Variants in PER3 observed in about 807,000 individuals in gnomAD.
PER3 encodes period circadian regulator 3.
Under a neutral mutation model 127.2 loss-of-function variants are expected in PER3, and 107 were observed. The ratio of observed to expected loss-of-function variants is 0.84; its 90% CI spans 0.72 to 0.99. The LOEUF is 0.99. Ranked by LOEUF, PER3 falls within the 50% of genes least tolerant of loss-of-function variation. PER3 has a pLI of 0.00. For missense variants in PER3, 1,560 were observed against 1,525.8 expected (o/e 1.02, Z -0.37); for synonymous variants, 618 against 585.8 (o/e 1.05, Z -0.79).
chr1:7,811,144 T>C (rs75705708), intron 13 of PER3, among the ~76,000 whole-genome samples: 1,780 of 152,336 alleles, frequency 0.012, 32 homozygotes, highest in African/African-American at 0.041. Flanking sequence ...TAGGGGATGT[T>C]CAATAATATA....
intron 10 of PER3, 171 bp downstream of exon 10, chr1:7,804,019 A>C (rs2097182002): frequency 3.8e-6 from 2 of 520,502 alleles, no homozygotes; most frequent in Non-Finnish European, 6.8e-6. Context: ...CCTTAAAAGA[A>C]GTCATAATAT....
intron 10 of PER3, among the ~76,000 whole-genome samples, chr1:7,805,960 G>A (rs1435264536): frequency 6.6e-6 from 1 of 152,192 alleles, no homozygotes; most frequent in Non-Finnish European, 1.5e-5. Context: ...TTAAGGTCTA[G>A]TAGGTATTAA....
intron 16 of PER3, among the ~76,000 whole-genome samples, chr1:7,825,526 G>A (rs1167058955): frequency 6.6e-6 from 1 of 152,190 alleles, no homozygotes; most frequent in Non-Finnish European, 1.5e-5. Flanking sequence ...GATGGTTAAT[G>A]TACGTATGTG....
At chr1:7,835,992 C>CT in intron 20 of PER3, 47 bp downstream of exon 20, 3 of 1,318,164 alleles carry the variant, frequency 2.3e-6, no homozygotes, top group Non-Finnish European at 3.2e-6. Context: ...TTTGTGGTTT[C>CT]TTTTTTTCTT....
At chr1:7,786,263 A>G (rs2097090252) in intron 3 of PER3, among the ~76,000 whole-genome samples, 1 of 152,246 alleles carries the variant, frequency 6.6e-6, no homozygotes, top group African/African-American at 2.4e-5. Flanking sequence ...TCTAAAAAAT[A>G]ATAATGATAA....
rs530327731 is a variant in PER3 at position 7,801,131 on chromosome 1, A to G, written c.812A>G (p.Asn271Ser). 4 of 1,607,792 alleles carry G rather than the reference A, an allele frequency of 2.5e-6. No individual in the cohort carries two copies. In the African/African-American group the frequency reaches 5.3e-5, roughly 21 times the overall value. The change falls in exon 8 of 22, where the codon AAT (asparagine) becomes AGT (serine). Residue 271 changes from asparagine (N) to serine (S), a missense_variant. By Grantham distance (46) the Asn-to-Ser change is conservative (BLOSUM62 1). This residue lies in a region of PER3 where 1,332 missense variants were observed against 1,223.6 expected (regional missense o/e 1.09). Coordinates refer to ENST00000377532, the MANE Select transcript of PER3 (RefSeq NM_001377275.1). ...TCCTTAGCTCCTCGGATCCCAGTGA[A>G]TAAAAGAATCTTCACCACCACACAC... ...SGYEAPRIPV[N>S]KRIFTTTHTP...
At chr1:7,787,665 G>A (rs556343661) in intron 4 of PER3, 7 of 326,258 alleles carry the variant, frequency 2.1e-5, no homozygotes, top group Non-Finnish European at 4.1e-5. Context: ...GGTTTGTCAA[G>A]GACAGCTTCT....
At chr1:7,805,028 C>A (rs920435093) in intron 10 of PER3, among the ~76,000 whole-genome samples, 8 of 152,034 alleles carry the variant, frequency 5.3e-5, no homozygotes, top group Non-Finnish European at 1.2e-4. Flanking sequence ...GCCACCACAC[C>A]CAGCTCATTT....
intron 17 of PER3, 55 bp from the exon 18 acceptor site, chr1:7,827,060 CCTT>C (rs1418108586): frequency 8.3e-6 from 11 of 1,329,092 alleles, no homozygotes; most frequent in Non-Finnish European, 1.1e-5. Context: ...TAAGTGGCAT[CCTT>C]CTCTTCTTTT....
intron 9 of PER3, 135 bp downstream of exon 9, chr1:7,803,288 A>C (rs2097178600): frequency 1.5e-6 from 1 of 686,714 alleles, no homozygotes; most frequent in Non-Finnish European, 2.6e-6. Context: ...ATTGTTTTCT[A>C]TTTAAACATA....
chr1:7,810,438 A>G lies in PER3; in HGVS notation c.1372A>G (p.Met458Val). The change falls in exon 13 of 22, where the codon ATG becomes GTG. Residue 458 changes from methionine (M) to valine (V), a missense_variant and splice_region_variant. Coordinates refer to ENST00000377532, the MANE Select transcript of PER3 (RefSeq NM_001377275.1). ...HRVEETKAEQ[M>V]TLQQVYASVN... ...ATATTTTATCATTCCTTTCCCTAAG[A>G]TGACCTTGCAGCAGGTCTATGCCAG... 1.3e-6 allele frequency: 2 copies of G among 1,589,102 alleles called. No homozygotes were observed. Among genetic ancestry groups the G allele is most frequent in the Non-Finnish European group, 1.7e-6 (2 of 1,168,312 alleles).
intron 8 of PER3, among the ~76,000 whole-genome samples, chr1:7,802,180 T>C (rs1190359517): frequency 6.6e-6 from 1 of 152,204 alleles, no homozygotes; most frequent in Non-Finnish European, 1.5e-5. Context: ...CCATCGTAAG[T>C]TTCCCATGAA....
intron 6 of PER3, 36 bp from the exon 7 acceptor site, chr1:7,798,489 C>T (rs767201846): frequency 7.0e-6 from 11 of 1,572,214 alleles, no homozygotes; most frequent in South Asian, 3.5e-5. Context: ...CAGTAGGGTG[C>T]GTCAGGACCA....
intron 3 of PER3, among the ~76,000 whole-genome samples, chr1:7,786,111 C>T (rs1487884993): frequency 6.6e-6 from 1 of 152,146 alleles, no homozygotes; most frequent in Non-Finnish European, 1.5e-5. Context: ...AAAAAATTAG[C>T]CGGGTGTGGT....
chr1:7,826,609 A>T lies in PER3; in HGVS notation c.2087A>T (p.Gln696Leu), dbSNP rs113850181. 14 of 1,613,408 alleles carry T rather than the reference A, an allele frequency of 8.7e-6. No individual in the cohort carries two copies. The highest frequency in any genetic ancestry group is 1.2e-5 in the Non-Finnish European group (14 of 1,179,424). ...VLSAHTQKEE[Q>L]NYVDKFREKI... ...TCAGCGCACACCCAGAAGGAAGAGC[A>T]GAATTATGTTGATAAATTCCGAGAA... Residue 696 changes from glutamine to leucine, a missense_variant, in exon 17 of 22, where the codon CAG becomes CTG. By Grantham distance (113) the Gln-to-Leu change is moderately radical. Transcript: ENST00000377532. The surrounding 1 kb of genome is among the most constrained non-coding windows in gnomAD (Gnocchi z 4.2).
intron 6 of PER3, among the ~76,000 whole-genome samples, chr1:7,795,270 C>T (rs1033721957): frequency 3.9e-5 from 6 of 152,206 alleles, no homozygotes; most frequent in Non-Finnish European, 8.8e-5. Context: ...GAGCCAGGCA[C>T]TTTGTCAGTG....
chr1:7,784,836 G>C lies in PER3; in HGVS notation c.-42G>C, dbSNP rs777998367. Reference sequence around the variant, plus strand: ...GCAAAGTGAGCGAGAAGCAGGCTGCGGGCCGTCCCAGCACGACGTGGAGCC... The same window carrying C: ...GCAAAGTGAGCGAGAAGCAGGCTGCCGGCCGTCCCAGCACGACGTGGAGCC... On this transcript the variant is annotated 5_prime_UTR_variant, in exon 2 of 22. Transcript: ENST00000377532. The C allele has an allele frequency of 5.4e-5, 77 of 1,417,696 alleles. No homozygotes were observed. Among genetic ancestry groups the C allele is most frequent in the Non-Finnish European group, 6.9e-5 (75 of 1,094,006 alleles). 87.8% of individuals were successfully genotyped at this position (1,417,696 alleles called of 1,614,324 possible).
At chr1:7,794,919 A>T (rs1410340370) in intron 6 of PER3, among the ~76,000 whole-genome samples, 1 of 151,562 alleles carries the variant, frequency 6.6e-6, no homozygotes, top group Admixed American at 6.6e-5. Flanking sequence ...TGATATAATA[A>T]TATGTTCTTT....
chr1:7,826,726 A>C lies in PER3; in HGVS notation c.2188+16A>C. 1 of 1,413,394 alleles carries C rather than the reference A, an allele frequency of 7.1e-7. No homozygotes were observed. Among genetic ancestry groups the C allele is most frequent in the Non-Finnish European group, 1.0e-6 (1 of 998,292 alleles). 87.6% of individuals were successfully genotyped at this position (1,413,394 alleles called of 1,614,324 possible). The stretch of plus-strand genomic sequence containing the variant: ...TATTTTCAAGGTACGTAATTTTTTA[A>C]AAATAAATGCCATTAATCTATGTAA... On this transcript the variant is annotated intron_variant, in intron 17 of 21. Transcript: ENST00000377532. The surrounding 1 kb of genome is among the most constrained non-coding windows in gnomAD (Gnocchi z 4.2).
Sources: allele counts gnomAD v4.1 joint callset (sites outside exome capture counted in the v4.1 genomes callset), GRCh38; gene constraint gnomAD v4.1.1; regional missense constraint gnomAD v4.1.1; non-coding constraint Gnocchi (gnomAD v3.1); transcripts MANE v1.5; gene names NCBI Gene and HGNC (gene_info 2026-07-23, HGNC 2026-07-21).